Variants in HEMK1 observed in about 807,000 individuals in gnomAD.
HEMK1 encodes the protein HemK methyltransferase 1, mitochondrial release factors N(5)-glutamine.
In HEMK1, 36 loss-of-function variants were observed where a neutral mutation model predicts 47.9. The ratio of observed to expected loss-of-function variants is 0.75; its 90% CI spans 0.58 to 0.99. The LOEUF is 0.99. HEMK1 is among the 50% of genes least tolerant of loss of function. The probability of loss-of-function intolerance (pLI) is 0.00; values close to 1 mark genes in which losing one functional copy is unlikely to be tolerated. For synonymous variants in HEMK1, 153 were observed against 165.4 expected, an observed-to-expected ratio of 0.93 and a Z score of 0.57; for missense variants, 383 against 434.5, an observed-to-expected ratio of 0.88 and a Z score of 1.05.
At chr3:50,572,986 A>G (rs1701181600) in intron 4 of HEMK1, among the ~76,000 whole-genome samples, 1 of 152,220 alleles carries the variant, frequency 6.6e-6, no homozygotes, top group Non-Finnish European at 1.5e-5. Context: ...AGACCTAGGC[A>G]CACAAACATT....
At chr3:50,574,830 A>G (rs1368816425) in intron 4 of HEMK1, among the ~76,000 whole-genome samples, 1 of 152,186 alleles carries the variant, frequency 6.6e-6, no homozygotes, top group Non-Finnish European at 1.5e-5. Context: ...CCCACAGGCA[A>G]TCATTTGTTA....
rs919900543 is a variant in HEMK1, at chr3:50,590,013, C to G, written c.*9596C>G. ...ACCAGCCTGGCCAACACAGTGAAACCCCGTCTACTAAAAATACAAAAATTA... is the reference window on the plus strand; with the variant it reads ...ACCAGCCTGGCCAACACAGTGAAACGCCGTCTACTAAAAATACAAAAATTA... On this transcript the variant is annotated 3_prime_UTR_variant, in exon 11 of 11. Transcript: ENST00000232854. The G allele has an allele frequency of 2.0e-5, 3 of 151,092 alleles. No homozygotes were observed. The highest frequency in any genetic ancestry group is 7.3e-5 in the African/African-American group (3 of 41,010). The allele number at this position is 151,092 out of a possible 1,614,324, so 9.4% of individuals were successfully genotyped here.
intron 4 of HEMK1, among the ~76,000 whole-genome samples, chr3:50,575,973 C>A (rs1055021031): frequency 2.6e-5 from 4 of 152,346 alleles, no homozygotes; most frequent in African/African-American, 9.6e-5. Context: ...GGCTTGAAAC[C>A]CTCTTGTTTC....
In HEMK1 at chr3:50,580,106, C is replaced by T. The variant is rs777737321; in HGVS notation, c.867-10C>T. The T allele has an allele frequency of 1.2e-6, 2 of 1,610,876 alleles. No homozygotes were observed. Among genetic ancestry groups the T allele is most frequent in the Non-Finnish European group, 1.7e-6 (2 of 1,177,050 alleles). The stretch of plus-strand genomic sequence containing the variant: ...GTCCTGCTGAGCCCACCCATTTCTC[C>T]CCCATGTAGTAGTATCTTCTTAGAA... On this transcript the variant is annotated splice_polypyrimidine_tract_variant and intron_variant, in intron 9 of 10. Transcript: ENST00000232854.
At chr3:50,580,262 T>C (rs1447853843) in intron 10 of HEMK1, 33 bp downstream of exon 10, 4 of 1,607,512 alleles carry the variant, frequency 2.5e-6, no homozygotes, top group Non-Finnish European at 3.4e-6. Flanking sequence ...CCCTGTAGCA[T>C]GCTGGTCTTT....
rs1212286219 is a variant in HEMK1 at position 50,584,051 on chromosome 3, G to C, written c.*3634G>C. ...GGTCATTAGGGATGGGAAGCCATGAGGACCTGGCCTTCTGCCCGACCCAGG... is the reference window on the plus strand; with the variant it reads ...GGTCATTAGGGATGGGAAGCCATGACGACCTGGCCTTCTGCCCGACCCAGG... On this transcript the variant is annotated 3_prime_UTR_variant, in exon 11 of 11. Transcript: ENST00000232854. 1 of 152,240 alleles carries C rather than the reference G, an allele frequency of 6.6e-6. No individual in the cohort carries two copies. Among genetic ancestry groups the C allele is most frequent in the African/African-American group, 2.4e-5 (1 of 41,462 alleles). 9.4% of individuals were successfully genotyped at this position (152,240 alleles called of 1,614,324 possible).
At position 50,579,697 on chromosome 3, in the gene HEMK1, G is replaced by C. The variant is rs1175613553; in HGVS notation, c.771-147G>C. On this transcript the variant is annotated intron_variant, in intron 8 of 10. Coordinates refer to ENST00000232854, the MANE Select transcript of HEMK1 (RefSeq NM_016173.5). ...GAAGAGGAGCTGCCACCCATTTGGG[G>C]CCCTCCTTCTCTGGGTCCTCAGATT... 21 of 608,530 alleles carry C rather than the reference G, an allele frequency of 3.5e-5. No homozygotes were observed. The Admixed American group carries it at 6.1e-4, about 18-fold the overall frequency. The allele number at this position is 608,530 out of a possible 1,614,324, so 37.7% of individuals were successfully genotyped here.
chr3:50,577,169 CT>C lies in HEMK1; in HGVS notation c.533del (p.Leu178ArgfsTer21), dbSNP rs1372019166. On this transcript the variant is annotated frameshift_variant, in exon 5 of 11. Coordinates refer to ENST00000232854, the MANE Select transcript of HEMK1 (RefSeq NM_016173.5). LOFTEE classifies it high-confidence loss of function. Reference sequence around the variant, plus strand: ...ATCAGGAGCCATCTCCCTCAGCCTGCTGAGCCAGCTCCCCCAGGTGAGCCCC... The same window carrying C: ...ATCAGGAGCCATCTCCCTCAGCCTGCGAGCCAGCTCCCCCAGGTGAGCCCC... The part of the protein sequence containing the change: ...CGSGAISLSL[L>X]SQLPQSRVIA... The C allele has an allele frequency of 6.2e-7, 1 of 1,610,444 alleles. No individual in the cohort carries two copies. Among genetic ancestry groups the C allele is most frequent in the Non-Finnish European group, 8.5e-7 (1 of 1,179,042 alleles).
At position 50,580,386 on chromosome 3, in the gene HEMK1, GGT is replaced by G. The variant is rs776503484; in HGVS notation, c.987_988del (p.Phe330ProfsTer57). On this transcript the variant is annotated frameshift_variant, in exon 11 of 11. Coordinates refer to ENST00000232854, the MANE Select transcript of HEMK1 (RefSeq NM_016173.5). LOFTEE classifies it high-confidence loss of function. ...CCCTGTCCCTGTCTCCTCAGGCCCC[GGT>G]TCCTGCATATCCGGAGGTCTGGGCC... The G allele has an allele frequency of 1.4e-5, 22 of 1,613,994 alleles. No homozygotes were observed. In the African/African-American group the frequency reaches 2.7e-4, roughly 20 times the overall value.
intron 4 of HEMK1, among the ~76,000 whole-genome samples, chr3:50,572,882 G>T (rs1429288932): frequency 6.6e-6 from 1 of 152,214 alleles, no homozygotes; most frequent in African/African-American, 2.4e-5. Flanking sequence ...TGACAGAGCT[G>T]GGAGCCAGAG....
Position 50,592,974 on chromosome 3 carries a change from CCAGA to C in HEMK1, c.*12560_*12563del, listed in dbSNP as rs1190991758. The C allele has an allele frequency of 2.0e-5, 3 of 152,300 alleles. No homozygotes were observed. Among genetic ancestry groups the C allele is most frequent in the African/African-American group, 7.2e-5 (3 of 41,446 alleles). 9.4% of individuals were successfully genotyped at this position (152,300 alleles called of 1,614,324 possible). On this transcript the variant is annotated 3_prime_UTR_variant, in exon 11 of 11. Coordinates refer to ENST00000232854, the MANE Select transcript of HEMK1 (RefSeq NM_016173.5). ...TATTTGGCAGGGTGAGGGGTGGGGG[CCAGA>C]CAAATTGTAGAGGAGCCTCAGGTCT... is the stretch of plus-strand genomic sequence containing the variant.
chr3:50,586,841 C>CGTCCA lies in HEMK1; in HGVS notation c.*6425_*6429dup. 6.6e-6 allele frequency: 1 copy of CGTCCA among 152,134 alleles called. No homozygotes were observed. The highest frequency in any genetic ancestry group is 1.9e-4 in the East Asian group (1 of 5,188). The allele number at this position is 152,134 out of a possible 1,614,324, so 9.4% of individuals were successfully genotyped here. ...GAACAGGCCTGCCTGCCTGGAGAGGCGTCCAAGTCCCTCTGCTGTTCCTGG... is the reference window on the plus strand; with the variant it reads ...GAACAGGCCTGCCTGCCTGGAGAGGCGTCCAGTCCAAGTCCCTCTGCTGTTCCTGG... On this transcript the variant is annotated 3_prime_UTR_variant, in exon 11 of 11. Transcript: ENST00000232854.
Position 50,582,117 on chromosome 3 carries a change from G to T in HEMK1, c.*1700G>T, listed in dbSNP as rs1033087422. 1 of 152,216 alleles carries T rather than the reference G, an allele frequency of 6.6e-6. No homozygotes were observed. Among genetic ancestry groups the T allele is most frequent in the African/African-American group, 2.4e-5 (1 of 41,416 alleles). 9.4% of individuals were successfully genotyped at this position (152,216 alleles called of 1,614,324 possible). On this transcript the variant is annotated 3_prime_UTR_variant, in exon 11 of 11. Coordinates refer to ENST00000232854, the MANE Select transcript of HEMK1 (RefSeq NM_016173.5). ...AGCTGCCCTGACCTCGGAGCAGTCTGTCGCCCCCCTACACCTCAGCCAGTC... is the reference window on the plus strand; with the variant it reads ...AGCTGCCCTGACCTCGGAGCAGTCTTTCGCCCCCCTACACCTCAGCCAGTC...
At position 50,587,521 on chromosome 3, in the gene HEMK1, C is replaced by A; in HGVS notation, c.*7104C>A. On this transcript the variant is annotated 3_prime_UTR_variant, in exon 11 of 11. Transcript: ENST00000232854. The surrounding 1 kb of genome is among the most constrained non-coding windows in gnomAD (Gnocchi z 4.2). ...GCTAAGAAACTTGCTCATAGGCTGG[C>A]TGAGCTGTGATTCTGGCATAGGCTG... 1 of 152,434 alleles carries A rather than the reference C, an allele frequency of 6.6e-6. No homozygotes were observed. The highest frequency in any genetic ancestry group is 1.5e-5 in the Non-Finnish European group (1 of 68,132). 9.4% of individuals were successfully genotyped at this position (152,434 alleles called of 1,614,324 possible).
At chr3:50,577,275 C>G (rs986754391) in intron 5 of HEMK1, 89 bp downstream of exon 5, 3 of 1,452,172 alleles carry the variant, frequency 2.1e-6, no homozygotes, top group Non-Finnish European at 1.9e-6. Flanking sequence ...CTGCTAGGAG[C>G]GCTTGAGGGG....
At chr3:50,579,576 T>C (rs1013647821) in intron 8 of HEMK1, among the ~76,000 whole-genome samples, 5 of 152,152 alleles carry the variant, frequency 3.3e-5, no homozygotes, top group African/African-American at 9.7e-5. Flanking sequence ...ACTCATGCCC[T>C]GACATGAGTC....
rs2031468316 is a variant in HEMK1, at chr3:50,587,620, G to C, written c.*7203G>C. 1 of 152,284 alleles carries C rather than the reference G, an allele frequency of 6.6e-6. No homozygotes were observed. The highest frequency in any genetic ancestry group is 6.5e-5 in the Admixed American group (1 of 15,284). 9.4% of individuals were successfully genotyped at this position (152,284 alleles called of 1,614,324 possible). A position where few individuals can be genotyped will look rare whatever the true frequency, so the allele number is the denominator to read the frequency against. On this transcript the variant is annotated 3_prime_UTR_variant, in exon 11 of 11. Coordinates refer to ENST00000232854, the MANE Select transcript of HEMK1 (RefSeq NM_016173.5). This position sits in a 1 kb window ranked among gnomAD's most constrained non-coding sequence, Gnocchi z 4.2. ...GGCGGATAGGACAGGAATATACCAG[G>C]CAGTAGGGACAGTCTGGACAAAAGC...
chr3:50,569,451 C>T (rs1700628307), upstream of HEMK1: 2 of 151,796 alleles, frequency 1.3e-5, no homozygotes, highest in Non-Finnish European at 2.9e-5. Context: ...CGAGCCTTTT[C>T]TTAAAGGCGC....
chr3:50,578,911 C>A lies in HEMK1; in HGVS notation c.755C>A (p.Ala252Asp). ...YVFHQDMEQL[A>D]PEIRSYEDPA... The stretch of plus-strand genomic sequence containing the variant: ...TTCCACCAGGACATGGAGCAGCTGG[C>A]CCCTGAGATCCGCAGGTGCTAAGCA... Residue 252 changes from alanine to aspartate, a missense_variant, in exon 8 of 11, where the codon GCC (alanine) becomes GAC (aspartate). Coordinates refer to ENST00000232854, the MANE Select transcript of HEMK1 (RefSeq NM_016173.5). 6.2e-7 allele frequency: 1 copy of A among 1,611,446 alleles called. No homozygotes were observed. Among genetic ancestry groups the A allele is most frequent in the Non-Finnish European group, 8.5e-7 (1 of 1,178,770 alleles).
Sources: allele counts gnomAD v4.1 joint callset (sites outside exome capture counted in the v4.1 genomes callset), GRCh38; gene constraint gnomAD v4.1.1; non-coding constraint Gnocchi (gnomAD v3.1); transcripts MANE v1.5; gene names NCBI Gene and HGNC (gene_info 2026-07-23, HGNC 2026-07-21).